The following ANO6 variants were observed in gnomAD, a reference collection of about 807,000 sequenced individuals.
The protein encoded by ANO6 is anoctamin 6.
Under a neutral mutation model 117.5 loss-of-function variants are expected in ANO6, and 106 were observed. The ratio of observed to expected loss-of-function variants is 0.90; its 90% CI spans 0.77 to 1.06. The LOEUF (loss-of-function observed/expected upper bound fraction) is 1.06. Ranked by LOEUF, ANO6 falls within the 50% of genes least tolerant of loss-of-function variation. The pLI is 0.00. For missense variants in ANO6, 955 were observed against 1,121.1 expected (o/e 0.85, Z 2.12); for synonymous variants, 367 against 385.1 (o/e 0.95, Z 0.55).
chr12:45,416,909 G>GT lies in ANO6; in HGVS notation c.2217+6dup. 1 of 1,614,014 alleles carries GT rather than the reference G, an allele frequency of 6.2e-7. No individual in the cohort carries two copies. Among genetic ancestry groups the GT allele is most frequent in the Non-Finnish European group, 8.5e-7 (1 of 1,179,906 alleles). Reference sequence around the variant, plus strand: ...ATTCTGGCTGTGGTGACCAATGTGAGTAGACCTAAGCTTTACAGAGTAAAG... The same window carrying GT: ...ATTCTGGCTGTGGTGACCAATGTGAGTTAGACCTAAGCTTTACAGAGTAAAG... On this transcript the variant is annotated splice_donor_region_variant and intron_variant, in intron 17 of 19. Coordinates refer to ENST00000320560, the MANE Select transcript of ANO6 (RefSeq NM_001025356.3).
chr12:45,355,434 C>T (rs1465805992), intron 7 of ANO6, among the ~76,000 whole-genome samples: 3 of 152,084 alleles, frequency 2.0e-5, no homozygotes, highest in Non-Finnish European at 4.4e-5. Flanking sequence ...TCTTTAAATA[C>T]AGCAGGATTT....
chr12:45,368,101 T>C (rs1050285657), intron 9 of ANO6, among the ~76,000 whole-genome samples: 4 of 152,240 alleles, frequency 2.6e-5, no homozygotes, highest in Non-Finnish European at 5.9e-5. Context: ...ATAAATACTT[T>C]TTAATAGATT....
intron 1 of ANO6, among the ~76,000 whole-genome samples, chr12:45,221,967 C>T (rs926164209): frequency 1.3e-4 from 19 of 150,844 alleles, no homozygotes; most frequent in South Asian, 6.4e-4. Flanking sequence ...CGGCAAGCTC[C>T]GCCTCTTGGA....
chr12:45,264,776 A>G lies in ANO6; in HGVS notation c.71-37238A>G, dbSNP rs143378384. Among the ~76,000 whole-genome samples, 143 of 152,342 alleles carry G rather than the reference A, an allele frequency of 9.4e-4. 1 individual carries two copies. The highest frequency in any genetic ancestry group is 3.2e-3 in the African/African-American group (133 of 41,574). ...GTTTTGTATTAGACAAAGTGCTATT[A>G]TCTTCAGTTGAACTTCATATCTGTA... is the stretch of plus-strand genomic sequence containing the variant. On this transcript the variant is annotated intron_variant, in intron 1 of 19. Transcript: ENST00000320560.
chr12:45,277,797 T>C (rs1938601130), intron 1 of ANO6, among the ~76,000 whole-genome samples: 1 of 152,148 alleles, frequency 6.6e-6, no homozygotes, highest in African/African-American at 2.4e-5. Context: ...TGACTTATGA[T>C]CCTTTGTATG....
chr12:45,317,369 G>A (rs1940083948), intron 2 of ANO6, among the ~76,000 whole-genome samples: 1 of 143,176 alleles, frequency 7.0e-6, no homozygotes, highest in Non-Finnish European at 1.5e-5. Context: ...AGAACATGAA[G>A]TGTTTGGTTT....
At chr12:45,230,372 G>A (rs1322000072) in intron 1 of ANO6, among the ~76,000 whole-genome samples, 2 of 151,166 alleles carry the variant, frequency 1.3e-5, no homozygotes, top group Middle Eastern at 3.5e-3. Context: ...AAAATGTAGG[G>A]ATAATACAGA....
chr12:45,280,090 A>G (rs1938674614), intron 1 of ANO6, among the ~76,000 whole-genome samples: 2 of 152,256 alleles, frequency 1.3e-5, no homozygotes, highest in South Asian at 4.1e-4. Context: ...AACAGGAAAG[A>G]TAATAGAGGT....
At chr12:45,312,730 A>T (rs1939886436) in intron 2 of ANO6, among the ~76,000 whole-genome samples, 1 of 152,080 alleles carries the variant, frequency 6.6e-6, no homozygotes, top group Non-Finnish European at 1.5e-5. Context: ...AAGTGTTTAC[A>T]GCTCCTTCTC....
At chr12:45,351,554 G>C (rs1313651036) in intron 7 of ANO6, among the ~76,000 whole-genome samples, 2 of 152,146 alleles carry the variant, frequency 1.3e-5, no homozygotes, top group Admixed American at 1.3e-4. Flanking sequence ...AGAGCAATAG[G>C]ATGGGAGGGC....
At chr12:45,321,161 G>T (rs776876856) in intron 2 of ANO6, among the ~76,000 whole-genome samples, 38 of 152,150 alleles carry the variant, frequency 2.5e-4, no homozygotes, top group Non-Finnish European at 5.0e-4. Context: ...AGTAAATGAA[G>T]ATGATTCAGT....
At chr12:45,240,039 C>T (rs1947713557) in intron 1 of ANO6, among the ~76,000 whole-genome samples, 1 of 152,164 alleles carries the variant, frequency 6.6e-6, no homozygotes, top group Non-Finnish European at 1.5e-5. Context: ...TCTATTAGGT[C>T]TGCTTAGTGC....
chr12:45,237,236 C>T (rs1021534820), intron 1 of ANO6, among the ~76,000 whole-genome samples: 1 of 152,136 alleles, frequency 6.6e-6, no homozygotes, highest in Non-Finnish European at 1.5e-5. Context: ...TGAATTAGAT[C>T]CCATTTGTCT....
chr12:45,415,961 T>G (rs1943202317), intron 16 of ANO6, among the ~76,000 whole-genome samples: 1 of 152,164 alleles, frequency 6.6e-6, no homozygotes, highest in South Asian at 2.1e-4. Flanking sequence ...GTGGTATCAC[T>G]TACCCCAAAA....
chr12:45,317,322 C>T (rs1247725483), intron 2 of ANO6, among the ~76,000 whole-genome samples: 1 of 111,534 alleles, frequency 9.0e-6, no homozygotes, highest in African/African-American at 3.3e-5. Context: ...CTTCCTGTGT[C>T]CAGGTGTTCT....
chr12:45,304,799 A>G (rs1939612397), intron 2 of ANO6, among the ~76,000 whole-genome samples: 1 of 152,212 alleles, frequency 6.6e-6, no homozygotes, highest in Admixed American at 6.5e-5. Context: ...CATCATAAGC[A>G]CATTCAAGTT....
chr12:45,292,255 A>T (rs913983004), intron 1 of ANO6, among the ~76,000 whole-genome samples: 2 of 152,246 alleles, frequency 1.3e-5, no homozygotes, highest in Non-Finnish European at 2.9e-5. Flanking sequence ...GAAATATATT[A>T]AATAGGCAAA....
chr12:45,234,821 T>G (rs1187481935), intron 1 of ANO6, among the ~76,000 whole-genome samples: 1 of 150,264 alleles, frequency 6.7e-6, no homozygotes, highest in African/African-American at 2.4e-5. Context: ...ATGAGACAAT[T>G]CAGCATTTAC....
At chr12:45,436,760 G>C (rs905134347), downstream of ANO6, among the ~76,000 whole-genome samples, 10 of 152,126 alleles carry the variant, frequency 6.6e-5, no homozygotes, top group African/African-American at 2.4e-4. Flanking sequence ...CTGAGGTCAG[G>C]AGCTAACGAC....
Sources: allele counts gnomAD v4.1 joint callset (sites outside exome capture counted in the v4.1 genomes callset), GRCh38; gene constraint gnomAD v4.1.1; transcripts MANE v1.5; gene names NCBI Gene and HGNC (gene_info 2026-07-23, HGNC 2026-07-21).